The following CAMTA1 variants were observed in gnomAD, a reference collection of about 807,000 sequenced individuals.
CAMTA1 encodes calmodulin binding transcription activator 1.
A neutral mutation model predicts 170.9 loss-of-function variants in CAMTA1; 27 were observed. The ratio of observed to expected loss-of-function variants is 0.16; its 90% CI spans 0.12 to 0.22. The LOEUF (loss-of-function observed/expected upper bound fraction) is 0.22, where lower values mean the gene tolerates loss of function less well. CAMTA1 is among the 10% of genes least tolerant of loss of function. The pLI is 1.00. For missense variants in CAMTA1, 1,619 were observed against 2,217.2 expected (o/e 0.73, Z 5.42); for synonymous variants, 833 against 891.5 (o/e 0.93, Z 1.17).
intron 5 of CAMTA1, among the ~76,000 whole-genome samples, chr1:7,449,685 A>G (rs7540763): frequency 0.27 from 39,763 of 148,906 alleles, 6,530 homozygotes; most frequent in African/African-American, 0.45. Context: ...CAGGAGAATC[A>G]CTTGAACCTG....
chr1:6,832,637 A>G (rs1650859051), intron 3 of CAMTA1, among the ~76,000 whole-genome samples: 1 of 152,204 alleles, frequency 6.6e-6, no homozygotes, highest in Non-Finnish European at 1.5e-5. Context: ...CTAATCATAA[A>G]GGCAGGTGAG....
At chr1:6,942,813 T>G (rs1012216759) in intron 3 of CAMTA1, among the ~76,000 whole-genome samples, 8 of 152,210 alleles carry the variant, frequency 5.3e-5, no homozygotes, top group Non-Finnish European at 7.3e-5. Context: ...GTGAGGCCAG[T>G]GTGGCCAGCT....
chr1:6,955,008 T>C (rs1432518369), intron 3 of CAMTA1, among the ~76,000 whole-genome samples: 1 of 152,160 alleles, frequency 6.6e-6, no homozygotes, highest in African/African-American at 2.4e-5. Context: ...GAGCTTCGTG[T>C]TTATTGATTG....
chr1:6,831,838 A>G (rs529733343), intron 3 of CAMTA1, among the ~76,000 whole-genome samples: 1 of 152,180 alleles, frequency 6.6e-6, no homozygotes, highest in African/African-American at 2.4e-5. Context: ...AAAAATGTCT[A>G]TGTAGAGAGC....
chr1:7,215,167 TA>T (rs397781325), intron 4 of CAMTA1, among the ~76,000 whole-genome samples: 1 of 151,738 alleles, frequency 6.6e-6, no homozygotes, highest in Non-Finnish European at 1.5e-5. Flanking sequence ...TCCTATTTTT[TA>T]AAAAAAAGAC....
chr1:7,302,451 A>G (rs1041511163), intron 5 of CAMTA1, among the ~76,000 whole-genome samples: 2 of 152,222 alleles, frequency 1.3e-5, no homozygotes, highest in Non-Finnish European at 2.9e-5. Flanking sequence ...GATTGCTGTG[A>G]CATGAGAAAT....
intron 3 of CAMTA1, among the ~76,000 whole-genome samples, chr1:7,043,874 G>GTTGCC (rs1704908841): frequency 6.6e-6 from 1 of 152,218 alleles, no homozygotes; most frequent in Non-Finnish European, 1.5e-5. Flanking sequence ...AAATCCCCGA[G>GTTGCC]TTGCCGGAAC....
intron 8 of CAMTA1, among the ~76,000 whole-genome samples, chr1:7,662,937 C>A (rs568633227): frequency 3.3e-5 from 5 of 152,102 alleles, no homozygotes; most frequent in Non-Finnish European, 4.4e-5. Context: ...GGGCAGGATA[C>A]GAACGTAGCC....
At chr1:7,078,918 A>T (rs973211236) in intron 3 of CAMTA1, among the ~76,000 whole-genome samples, 2 of 152,230 alleles carry the variant, frequency 1.3e-5, no homozygotes. Flanking sequence ...GCAGGGCAGA[A>T]TATCATACAG....
At chr1:7,391,633 C>A (rs539803950) in intron 5 of CAMTA1, among the ~76,000 whole-genome samples, 2 of 152,112 alleles carry the variant, frequency 1.3e-5, no homozygotes, top group African/African-American at 4.8e-5. Context: ...TCTATCAGCT[C>A]AAAAACTCAC....
At chr1:7,081,987 C>T (rs1640071892) in intron 3 of CAMTA1, among the ~76,000 whole-genome samples, 1 of 152,204 alleles carries the variant, frequency 6.6e-6, no homozygotes, top group Middle Eastern at 3.2e-3. Flanking sequence ...GGTTTCAAGC[C>T]CCATTTACCT....
chr1:6,881,311 T>C (rs997817567), intron 3 of CAMTA1, among the ~76,000 whole-genome samples: 2 of 152,218 alleles, frequency 1.3e-5, no homozygotes, highest in African/African-American at 4.8e-5. Context: ...GTGCATGCTA[T>C]TCTAGTGTGA....
intron 4 of CAMTA1, among the ~76,000 whole-genome samples, chr1:7,160,728 C>CTACAGT (rs1647165162): frequency 6.6e-6 from 1 of 152,198 alleles, no homozygotes; most frequent in Non-Finnish European, 1.5e-5. Flanking sequence ...GTCTACAGCC[C>CTACAGT]AGGTAGTACC....
chr1:7,177,479 C>CA (rs1190868247), intron 4 of CAMTA1, among the ~76,000 whole-genome samples: 2 of 140,388 alleles, frequency 1.4e-5, no homozygotes, highest in Non-Finnish European at 3.1e-5. Context: ...GGCCCCCCCA[C>CA]ACACACTGAA....
intron 3 of CAMTA1, among the ~76,000 whole-genome samples, chr1:6,843,482 G>T (rs972381215): frequency 1.3e-5 from 2 of 152,172 alleles, no homozygotes; most frequent in African/African-American, 4.8e-5. Context: ...CCTGATATAG[G>T]GAGTTCTCAG....
intron 6 of CAMTA1, among the ~76,000 whole-genome samples, chr1:7,502,336 G>T (rs2094019532): frequency 6.6e-6 from 1 of 152,232 alleles, no homozygotes; most frequent in Admixed American, 6.5e-5. Context: ...TCAGGGCTGT[G>T]TGTGGAATTT....
intron 3 of CAMTA1, among the ~76,000 whole-genome samples, chr1:6,959,245 G>A (rs1689973972): frequency 6.6e-6 from 1 of 152,246 alleles, no homozygotes; most frequent in Non-Finnish European, 1.5e-5. Context: ...GGTGGCCACA[G>A]TCCTCTCTGA....
At chr1:7,448,662 T>C (rs1158123585) in intron 5 of CAMTA1, among the ~76,000 whole-genome samples, 1 of 152,224 alleles carries the variant, frequency 6.6e-6, no homozygotes, top group African/African-American at 2.4e-5. Context: ...GCCTTCTTCC[T>C]GGTTCATAGA....
intron 5 of CAMTA1, among the ~76,000 whole-genome samples, chr1:7,254,110 G>A (rs1667015948): frequency 6.6e-6 from 1 of 152,084 alleles, no homozygotes; most frequent in Admixed American, 6.5e-5. Flanking sequence ...GTGGGAGCGG[G>A]TCAAGTGACA....
Sources: gnomAD v4.1 joint callset for allele counts (sites outside exome capture counted in the v4.1 genomes callset) on GRCh38, gnomAD v4.1.1 for gene constraint, MANE v1.5 for transcripts, NCBI Gene and HGNC (gene_info 2026-07-23, HGNC 2026-07-21) for gene names.